PLA2G4E: variants seen among roughly 807,000 people sequenced by gnomAD.
The protein encoded by PLA2G4E is phospholipase A2 group IVE.
Under a neutral mutation model 109.1 loss-of-function variants are expected in PLA2G4E, and 84 were observed. The ratio of observed to expected loss-of-function variants is 0.77; its 90% CI spans 0.65 to 0.92. The LOEUF (loss-of-function observed/expected upper bound fraction) is 0.92. PLA2G4E is among the 40% of genes least tolerant of loss of function. The probability of loss-of-function intolerance (pLI) is 0.00; values close to 1 mark genes in which losing one functional copy is unlikely to be tolerated. For synonymous variants in PLA2G4E, 469 were observed against 436.1 expected (o/e 1.08, Z -0.94); for missense variants, 1,057 against 1,076.6 (o/e 0.98, Z 0.25).
At chr15:42,026,625 G>A (rs186038436) in intron 1 of PLA2G4E, among the ~76,000 whole-genome samples, 21 of 152,300 alleles carry the variant, frequency 1.4e-4, no homozygotes, top group African/African-American at 4.6e-4. Context: ...ACACTCTGTC[G>A]TCACTTAGTC....
exon 18 of PLA2G4E, chr15:41,985,965 G>A (rs757818569): frequency 1.0e-5 from 16 of 1,602,964 alleles, no homozygotes; most frequent in African/African-American, 8.0e-5. Context: ...GGTGGTTCGC[G>A]GACTCGGTCA....
intron 7 of PLA2G4E, among the ~76,000 whole-genome samples, chr15:42,000,715 G>A (rs1465940269): frequency 6.6e-6 from 1 of 152,176 alleles, no homozygotes; most frequent in Non-Finnish European, 1.5e-5. Flanking sequence ...GTAGGGTAGG[G>A]GTATGGTATT....
exon 20 of PLA2G4E, chr15:41,982,666 A>C (rs529406170): frequency 1.3e-5 from 2 of 152,500 alleles, no homozygotes; most frequent in Non-Finnish European, 2.9e-5. Context: ...CTGGCCCCCA[A>C]CCTCATTTAC....
chr15:42,002,681 C>T (rs747260610), exon 6 of PLA2G4E: 5 of 1,583,498 alleles, frequency 3.2e-6, no homozygotes, highest in South Asian at 2.3e-5. Context: ...TGACGAGGGT[C>T]TCAGGTGGAG....
chr15:42,048,069 T>C (rs532203895), intron 1 of PLA2G4E, among the ~76,000 whole-genome samples: 44 of 152,348 alleles, frequency 2.9e-4, no homozygotes, highest in African/African-American at 1.1e-3. Flanking sequence ...ACATATATGA[T>C]GGTGGTCCTG....
At chr15:42,040,981 A>G (rs1207537609) in intron 1 of PLA2G4E, among the ~76,000 whole-genome samples, 1 of 152,212 alleles carries the variant, frequency 6.6e-6, no homozygotes, top group African/African-American at 2.4e-5. Context: ...AACAAAAAAG[A>G]GATGCCACGT....
chr15:41,983,655 G>A lies in PLA2G4E; in HGVS notation c.*99C>T, dbSNP rs559445373. ...GGCCAACCTGCTCACACCCATTGCC[G>A]GAGAGCAGAGCTGGCTGCGTAGTAA... On this transcript the variant is annotated 3_prime_UTR_variant, in exon 20 of 20. Transcript: ENST00000399518. 21 of 1,117,732 alleles carry A rather than the reference G, an allele frequency of 1.9e-5. No homozygotes were observed. In the Admixed American group the frequency reaches 3.0e-4, roughly 16 times the overall value. 69.2% of individuals were successfully genotyped at this position (1,117,732 alleles called of 1,614,324 possible). A position where few individuals can be genotyped will look rare whatever the true frequency, so the allele number is the denominator to read the frequency against.
Position 41,984,487 on chromosome 15 carries a change from C to G in PLA2G4E, c.2335G>C (p.Val779Leu), listed in dbSNP as rs778619405. The change falls in exon 19 of 20, where the codon GTG becomes CTG. Residue 779 changes from valine to leucine, a missense_variant. By Grantham distance (32) the Val-to-Leu change is conservative (BLOSUM62 1). Coordinates refer to ENST00000399518, the Ensembl canonical transcript of PLA2G4E. The stretch of plus-strand genomic sequence containing the variant: ...TCATTGATGAGTGGGAAGAAAGTCA[C>G]GATGGGGGCATCGGGTTCCTGGGGG... 3.1e-6 allele frequency: 5 copies of G among 1,613,870 alleles called. No homozygotes were observed. In the East Asian group the frequency reaches 1.1e-4, roughly 36 times the overall value.
chr15:42,022,254 C>T (rs1238193223), intron 1 of PLA2G4E, among the ~76,000 whole-genome samples: 4 of 152,212 alleles, frequency 2.6e-5, no homozygotes, highest in South Asian at 2.1e-4. Flanking sequence ...TTAGAAGGAT[C>T]GATAACAATC....
intron 2 of PLA2G4E, among the ~76,000 whole-genome samples, chr15:42,011,144 C>G (rs555546224): frequency 6.6e-6 from 1 of 152,142 alleles, no homozygotes; most frequent in Non-Finnish European, 1.5e-5. Context: ...ATGAGGAAAA[C>G]GTAAGCAACA....
intron 3 of PLA2G4E, among the ~76,000 whole-genome samples, chr15:42,006,745 C>T (rs769859316): frequency 1.3e-5 from 2 of 152,168 alleles, no homozygotes; most frequent in Non-Finnish European, 2.9e-5. Flanking sequence ...TCTCTGAGGC[C>T]TCTTGTTCCA....
At chr15:42,048,125 A>C (rs1259999192) in intron 1 of PLA2G4E, among the ~76,000 whole-genome samples, 2 of 152,202 alleles carry the variant, frequency 1.3e-5, no homozygotes, top group Non-Finnish European at 2.9e-5. Flanking sequence ...CTATATTTAG[A>C]TACATTTAGG....
intron 17 of PLA2G4E, 93 bp downstream of exon 17, chr15:41,987,079 A>G (rs2068153063): frequency 7.6e-7 from 1 of 1,317,592 alleles, no homozygotes; most frequent in Non-Finnish European, 1.1e-6. Context: ...TAGCCAGAGA[A>G]GTTTTCTTAT....
chr15:41,988,902 G>T (rs572817776), intron 15 of PLA2G4E, among the ~76,000 whole-genome samples: 7 of 152,232 alleles, frequency 4.6e-5, no homozygotes, highest in Admixed American at 4.6e-4. Flanking sequence ...ATAAGGGCGT[G>T]TTGGGGCTGT....
intron 2 of PLA2G4E, among the ~76,000 whole-genome samples, 157 bp downstream of exon 2, chr15:42,013,528 G>A (rs16972456): frequency 0.1 from 15,892 of 152,164 alleles, 1,662 homozygotes; most frequent in African/African-American, 0.26. Context: ...ACACACATTC[G>A]TGCACATACA....
At chr15:41,991,010 C>T (rs1206430344) in intron 13 of PLA2G4E, among the ~76,000 whole-genome samples, 1 of 152,068 alleles carries the variant, frequency 6.6e-6, no homozygotes, top group Non-Finnish European at 1.5e-5. Flanking sequence ...GAATGGCAAA[C>T]ACATGTATAT....
At chr15:42,043,530 G>A (rs896317430) in intron 1 of PLA2G4E, among the ~76,000 whole-genome samples, 1 of 137,262 alleles carries the variant, frequency 7.3e-6, no homozygotes, top group Admixed American at 7.9e-5. Context: ...CCTCACAAAT[G>A]GTAGGTATTT....
At chr15:42,027,959 T>C (rs1303886918) in intron 1 of PLA2G4E, among the ~76,000 whole-genome samples, 1 of 152,252 alleles carries the variant, frequency 6.6e-6, no homozygotes, top group Non-Finnish European at 1.5e-5. Flanking sequence ...TTTCTTATTC[T>C]TTTTGCCTTT....
At position 41,987,159 on chromosome 15, in the gene PLA2G4E, C is replaced by T; in HGVS notation, c.2035+13G>A. On this transcript the variant is annotated intron_variant, in intron 17 of 19. Coordinates refer to ENST00000399518, the Ensembl canonical transcript of PLA2G4E. ...ATGGAGGCAGGCCTCAAGGAGTAGC[C>T]AGGTAGGGTTACCTTTCCACCTAGA... 1.2e-6 allele frequency: 2 copies of T among 1,607,980 alleles called. No homozygotes were observed. Among genetic ancestry groups the T allele is most frequent in the Non-Finnish European group, 1.7e-6 (2 of 1,174,484 alleles).
Sources: allele counts gnomAD v4.1 joint callset (sites outside exome capture counted in the v4.1 genomes callset), GRCh38; gene constraint gnomAD v4.1.1; transcripts MANE v1.5; gene names NCBI Gene and HGNC (gene_info 2026-07-23, HGNC 2026-07-21).